ATXN10: variants seen among roughly 807,000 people sequenced by gnomAD.
The protein encoded by ATXN10 is ataxin 10, also known as ataxin-10.
In ATXN10, 28 loss-of-function variants were observed where a neutral mutation model predicts 52.9. That is an observed-to-expected ratio of 0.53 (90% confidence interval 0.39 to 0.73). The LOEUF (loss-of-function observed/expected upper bound fraction) is 0.73. ATXN10 is among the 30% of genes least tolerant of loss of function. The probability of loss-of-function intolerance (pLI) is 0.00; values close to 1 mark genes in which losing one functional copy is unlikely to be tolerated. For missense variants in ATXN10, 565 were observed against 577.0 expected (o/e 0.98, Z 0.21); for synonymous variants, 226 against 221.5 (o/e 1.02, Z -0.18).
Position 45,753,524 on chromosome 22 carries a change from G to A in ATXN10, c.1173+12986G>A, listed in dbSNP as rs550596978. 6.7e-5 allele frequency among the ~76,000 whole-genome samples: 10 copies of A among 149,984 alleles called. No homozygotes were observed. In the South Asian group the frequency reaches 1.1e-3, roughly 16 times the overall value. On this transcript the variant is annotated intron_variant, in intron 9 of 11. Coordinates refer to ENST00000252934, the MANE Select transcript of ATXN10 (RefSeq NM_013236.4). ...GGGATTAAGCGATTCTCTTGCCTCC[G>A]CCTTCCTAGTAGCTGGGATTACAGG...
chr22:45,760,909 A>G (rs560959323), intron 9 of ATXN10, among the ~76,000 whole-genome samples: 6 of 152,310 alleles, frequency 3.9e-5, no homozygotes, highest in East Asian at 1.9e-4. Flanking sequence ...GCCAGTTAAA[A>G]GGTTGCTACA....
rs1929319237 is a variant in ATXN10 at position 45,840,703 on chromosome 22, A to G, written c.1238-2288A>G. Among the ~76,000 whole-genome samples the G allele has an allele frequency of 6.6e-6, 1 of 152,220 alleles. No individual in the cohort carries two copies. Among genetic ancestry groups the G allele is most frequent in the African/African-American group, 2.4e-5 (1 of 41,456 alleles). ...TGCTGCTGGCAGTGACGGTGCTGGC[A>G]CCAGACTCTTCAGTTTCTGAGCCAA... On this transcript the variant is annotated intron_variant, in intron 10 of 11. Coordinates refer to ENST00000252934, the MANE Select transcript of ATXN10 (RefSeq NM_013236.4). The surrounding 1 kb of genome is among the most constrained non-coding windows in gnomAD (Gnocchi z 5.8).
rs1926752974 is a variant in ATXN10 at position 45,770,885 on chromosome 22, G to A, written c.1173+30347G>A. On this transcript the variant is annotated intron_variant, in intron 9 of 11. Coordinates refer to ENST00000252934, the MANE Select transcript of ATXN10 (RefSeq NM_013236.4). The surrounding 1 kb of genome is among the most constrained non-coding windows in gnomAD (Gnocchi z 4.5). Reference sequence around the variant, plus strand: ...CCCTGATCCCTGAGTAGCTTTTCAGGAAGTGCTCACTTGGAGAGAGAGGAC... The same window carrying A: ...CCCTGATCCCTGAGTAGCTTTTCAGAAAGTGCTCACTTGGAGAGAGAGGAC... 6.6e-6 allele frequency among the ~76,000 whole-genome samples: 1 copy of A among 152,166 alleles called. No individual in the cohort carries two copies. The highest frequency in any genetic ancestry group is 1.5e-5 in the Non-Finnish European group (1 of 68,034).
At chr22:45,737,258 G>C (rs1885923908) in intron 7 of ATXN10, among the ~76,000 whole-genome samples, 1 of 152,222 alleles carries the variant, frequency 6.6e-6, no homozygotes, top group South Asian at 2.1e-4. Context: ...GACCCTAGTA[G>C]CCTGTAATAG....
intron 4 of ATXN10, 64 bp downstream of exon 4, chr22:45,700,442 A>C: frequency 7.3e-7 from 1 of 1,378,950 alleles, no homozygotes; most frequent in Non-Finnish European, 1.0e-6. Context: ...TTTCCATTTT[A>C]TATAAAGTTC....
intron 10 of ATXN10, among the ~76,000 whole-genome samples, chr22:45,832,875 G>C (rs976113732): frequency 1.3e-5 from 2 of 152,188 alleles, no homozygotes; most frequent in Non-Finnish European, 2.9e-5. Flanking sequence ...AGAGAGATAC[G>C]CGTCAAGGGA....
At chr22:45,765,904 A>G (rs948591334) in intron 9 of ATXN10, among the ~76,000 whole-genome samples, 2 of 152,186 alleles carry the variant, frequency 1.3e-5, no homozygotes, top group Admixed American at 6.5e-5. Context: ...AGATAAATAA[A>G]TGAGCAGTAA....
chr22:45,773,872 ACT>A (rs1451552681), intron 9 of ATXN10, among the ~76,000 whole-genome samples: 6 of 152,194 alleles, frequency 3.9e-5, no homozygotes, highest in African/African-American at 1.4e-4. Context: ...GTTTTAAAAG[ACT>A]CAACCATTGG....
chr22:45,729,644 A>T, intron 7 of ATXN10, 54 bp downstream of exon 7: 1 of 1,582,922 alleles, frequency 6.3e-7, no homozygotes, highest in Non-Finnish European at 8.7e-7. Flanking sequence ...CAGATTTTCT[A>T]ACTCAGCCAA....
chr22:45,740,601 A>AC, intron 9 of ATXN10, 63 bp downstream of exon 9: 1 of 1,529,842 alleles, frequency 6.5e-7, no homozygotes, highest in Non-Finnish European at 9.1e-7. Flanking sequence ...AGTCCTTGGA[A>AC]GACATTCACT....
At chr22:45,760,811 C>CT (rs973952294) in intron 9 of ATXN10, among the ~76,000 whole-genome samples, 25 of 152,042 alleles carry the variant, frequency 1.6e-4, no homozygotes, top group African/African-American at 5.8e-4. Flanking sequence ...TTTTAAGCCT[C>CT]TTAGATTTTT....
At chr22:45,788,143 C>T (rs891607454) in intron 9 of ATXN10, among the ~76,000 whole-genome samples, 3 of 152,118 alleles carry the variant, frequency 2.0e-5, no homozygotes, top group African/African-American at 7.2e-5. Context: ...AGCAGAATGC[C>T]TGTTGAGCCC....
rs531612308 is a variant in ATXN10 at position 45,728,023 on chromosome 22, A to C, written c.729-1402A>C. ...GAAGACAGCAGGTATTTGGTTTGTG[A>C]TTTTTTTTTTTAATCCATTCTGCCA... On this transcript the variant is annotated intron_variant, in intron 6 of 11. Coordinates refer to ENST00000252934, the MANE Select transcript of ATXN10 (RefSeq NM_013236.4). This position sits in a 1 kb window ranked among gnomAD's most constrained non-coding sequence, Gnocchi z 4.3. Among the ~76,000 whole-genome samples the C allele has an allele frequency of 2.1e-5, 3 of 145,710 alleles. No individual in the cohort carries two copies. In the South Asian group the frequency reaches 6.6e-4, roughly 32 times the overall value.
Position 45,840,534 on chromosome 22 carries a change from G to A in ATXN10, c.1238-2457G>A, listed in dbSNP as rs1291818192. ...GGGATTCGTGTGTGCAGAGACAGAG[G>A]GGAGGCCAGCGTTGCAACATTGTCA... On this transcript the variant is annotated intron_variant, in intron 10 of 11. Coordinates refer to ENST00000252934, the MANE Select transcript of ATXN10 (RefSeq NM_013236.4). The surrounding 1 kb of genome is among the most constrained non-coding windows in gnomAD (Gnocchi z 5.8). 6.6e-6 allele frequency among the ~76,000 whole-genome samples: 1 copy of A among 152,214 alleles called. No individual in the cohort carries two copies. The highest frequency in any genetic ancestry group is 6.5e-5 in the Admixed American group (1 of 15,286).
intron 9 of ATXN10, among the ~76,000 whole-genome samples, chr22:45,768,623 A>T (rs1926670018): frequency 2.0e-5 from 3 of 152,242 alleles, no homozygotes; most frequent in Admixed American, 2.0e-4. Context: ...AAACGTAGTC[A>T]CCAAATCCAG....
intron 9 of ATXN10, among the ~76,000 whole-genome samples, chr22:45,799,391 A>G (rs1356002607): frequency 1.3e-5 from 2 of 152,216 alleles, no homozygotes; most frequent in Admixed American, 6.5e-5. Flanking sequence ...ATTTGGAAAC[A>G]GTGTCATTGC....
chr22:45,818,014 A>G lies in ATXN10; in HGVS notation c.1237+10992A>G, dbSNP rs925139423. Among the ~76,000 whole-genome samples the G allele has an allele frequency of 6.6e-6, 1 of 152,240 alleles. No homozygotes were observed. Among genetic ancestry groups the G allele is most frequent in the Non-Finnish European group, 1.5e-5 (1 of 68,034 alleles). ...TGGAAGTTGGAGAAAGACATGCTGG[A>G]ATGCATAAGCTTTCAGAAAAGAGAC... is the stretch of plus-strand genomic sequence containing the variant. On this transcript the variant is annotated intron_variant, in intron 10 of 11. Transcript: ENST00000252934. This position sits in a 1 kb window ranked among gnomAD's most constrained non-coding sequence, Gnocchi z 4.6.
At chr22:45,767,645 TAAA>T (rs757250226) in intron 9 of ATXN10, among the ~76,000 whole-genome samples, 5 of 151,256 alleles carry the variant, frequency 3.3e-5, no homozygotes, top group Non-Finnish European at 7.4e-5. Flanking sequence ...AATTAAAAAT[TAAA>T]AAGGAAATAC....
chr22:45,688,515 C>G lies in ATXN10; in HGVS notation c.117-1197C>G, dbSNP rs116751672. Among the ~76,000 whole-genome samples, 3 of 152,110 alleles carry G rather than the reference C, an allele frequency of 2.0e-5. No individual in the cohort carries two copies. Among genetic ancestry groups the G allele is most frequent in the Non-Finnish European group, 2.9e-5 (2 of 68,018 alleles). On this transcript the variant is annotated intron_variant, in intron 1 of 11. Transcript: ENST00000252934. The surrounding 1 kb of genome is among the most constrained non-coding windows in gnomAD (Gnocchi z 4.0). Reference sequence around the variant, plus strand: ...AATAATGTGAGTTCTATTGTCTGTTCGTAAGATAAAAACACACATCACTTG... The same window carrying G: ...AATAATGTGAGTTCTATTGTCTGTTGGTAAGATAAAAACACACATCACTTG...
Sources: gnomAD v4.1 joint callset for allele counts (sites outside exome capture counted in the v4.1 genomes callset) on GRCh38, gnomAD v4.1.1 for gene constraint, Gnocchi (gnomAD v3.1) non-coding constraint, MANE v1.5 for transcripts, NCBI Gene and HGNC (gene_info 2026-07-23, HGNC 2026-07-21) for gene names.